The following VPS8 variants were observed in gnomAD, a reference collection of about 807,000 sequenced individuals.
VPS8 encodes the protein VPS8 subunit of CORVET complex.
A neutral mutation model predicts 216.4 loss-of-function variants in VPS8; 129 were observed. That is an observed-to-expected ratio of 0.60 (90% CI 0.52 to 0.69). The LOEUF (loss-of-function observed/expected upper bound fraction) is 0.69, where lower values mean the gene tolerates loss of function less well. VPS8 is among the 30% of genes least tolerant of loss of function. VPS8 has a pLI of 0.00. For synonymous variants in VPS8, 571 were observed against 565.4 expected (o/e 1.01, Z -0.14); for missense variants, 1,531 against 1,683.5 (o/e 0.91, Z 1.59).
chr3:185,020,196 C>T (rs948737602), intron 45 of VPS8, among the ~76,000 whole-genome samples: 1 of 152,054 alleles, frequency 6.6e-6, no homozygotes, highest in African/African-American at 2.4e-5. Context: ...GTCCCAATAG[C>T]CCACAGTTGA....
intron 44 of VPS8, among the ~76,000 whole-genome samples, chr3:184,997,015 G>A (rs184466229): frequency 2.8e-4 from 42 of 152,348 alleles, no homozygotes; most frequent in Middle Eastern, 6.8e-3. Context: ...TGTCTTGCAC[G>A]TGTTAGGTTT....
At chr3:184,884,659 C>T (rs1323899770) in intron 21 of VPS8, among the ~76,000 whole-genome samples, 1 of 151,920 alleles carries the variant, frequency 6.6e-6, no homozygotes, top group Non-Finnish European at 1.5e-5. Flanking sequence ...GAGGATGTGG[C>T]TTTTTAAGAA....
At chr3:184,906,716 C>T (rs1735565572) in intron 25 of VPS8, among the ~76,000 whole-genome samples, 1 of 152,056 alleles carries the variant, frequency 6.6e-6, no homozygotes, top group Admixed American at 6.5e-5. Flanking sequence ...TGTAAAGGAT[C>T]CTCTTTGGAA....
chr3:184,906,424 A>G (rs530489513), intron 25 of VPS8, among the ~76,000 whole-genome samples: 48 of 152,346 alleles, frequency 3.2e-4, no homozygotes, highest in African/African-American at 1.1e-3. Context: ...AGAGTGTTAC[A>G]TAGATATCCG....
chr3:185,012,149 C>T (rs1755099052), intron 45 of VPS8, among the ~76,000 whole-genome samples: 1 of 150,948 alleles, frequency 6.6e-6, no homozygotes, highest in Non-Finnish European at 1.5e-5. Flanking sequence ...AGTACAAAAA[C>T]TCTTGGTGAC....
Position 184,999,798 on chromosome 3 carries a change from C to T in VPS8, c.3939C>T (p.Asn1313=). 6.2e-7 allele frequency: 1 copy of T among 1,612,738 alleles called. No individual in the cohort carries two copies. Residue 1313 remains asparagine (N), a synonymous_variant, in exon 45 of 48, where the codon AAC becomes AAT. Transcript: ENST00000625842. Reference sequence around the variant, plus strand: ...CATGCTACAAATGCAGTTCAAGTAACAAAGTAGGAAAACTCAGTGAAAATT... The same window carrying T: ...CATGCTACAAATGCAGTTCAAGTAATAAAGTAGGAAAACTCAGTGAAAATT... ...RWTCYKCSSS[N]KVGKLSENSS...
At chr3:184,998,479 TTATATATATATATATATATA>T (rs10530534) in intron 44 of VPS8, among the ~76,000 whole-genome samples, 22 of 135,012 alleles carry the variant, frequency 1.6e-4, no homozygotes, top group African/African-American at 6.4e-4. Context: ...AAGAGGAAGT[TTATATATATATATATATATA>T]TATATATATA....
At chr3:184,982,268 C>T (rs990987155) in intron 40 of VPS8, 2 of 307,078 alleles carry the variant, frequency 6.5e-6, no homozygotes, top group African/African-American at 4.4e-5. Flanking sequence ...CCTGCCCTCC[C>T]CTGAGACACA....
At chr3:184,967,872 A>C (rs1482204832) in intron 39 of VPS8, among the ~76,000 whole-genome samples, 2 of 152,108 alleles carry the variant, frequency 1.3e-5, no homozygotes, top group Admixed American at 1.3e-4. Flanking sequence ...ATTATGGGTA[A>C]AATATACCCT....
chr3:184,929,688 C>G, intron 33 of VPS8, 24 bp downstream of exon 33: 4 of 1,376,414 alleles, frequency 2.9e-6, no homozygotes, highest in Non-Finnish European at 3.9e-6. Context: ...CTGCTTTACT[C>G]TTTTTTCTTA....
intron 3 of VPS8, among the ~76,000 whole-genome samples, chr3:184,831,455 C>G (rs549830058): frequency 6.6e-6 from 1 of 152,186 alleles, no homozygotes; most frequent in Admixed American, 6.5e-5. Flanking sequence ...ATTAATCTCT[C>G]AAGTACATTG....
intron 45 of VPS8, among the ~76,000 whole-genome samples, chr3:185,013,104 A>G (rs547221880): frequency 6.6e-6 from 1 of 152,322 alleles, no homozygotes; most frequent in African/African-American, 2.4e-5. Flanking sequence ...TTGGGGTTTA[A>G]GAACACCTTA....
chr3:184,842,289 T>C (rs899481391), intron 7 of VPS8, among the ~76,000 whole-genome samples: 8 of 149,676 alleles, frequency 5.3e-5, no homozygotes, highest in African/African-American at 2.0e-4. Context: ...AAATAAAAAC[T>C]AGCAGAGGAA....
At chr3:185,008,088 G>C (rs761991650) in intron 45 of VPS8, among the ~76,000 whole-genome samples, 7 of 151,902 alleles carry the variant, frequency 4.6e-5, no homozygotes, top group Admixed American at 2.0e-4. Flanking sequence ...TAAAAAATGA[G>C]ATTTCAGTGT....
At chr3:184,996,525 C>A (rs1752634636) in intron 44 of VPS8, 24 bp downstream of exon 44, 1 of 1,590,208 alleles carries the variant, frequency 6.3e-7, no homozygotes, top group South Asian at 1.1e-5. Context: ...GGAAATGTTA[C>A]ATGTATGGTA....
intron 45 of VPS8, among the ~76,000 whole-genome samples, chr3:185,003,249 G>C (rs1753681291): frequency 7.1e-6 from 1 of 140,808 alleles, no homozygotes; most frequent in African/African-American, 2.7e-5. Flanking sequence ...AAGGTCAGCA[G>C]ATAAACAAGT....
intron 17 of VPS8, 120 bp downstream of exon 17, chr3:184,867,070 A>ACCACAAAGGGTTT: frequency 1.2e-6 from 1 of 863,668 alleles, no homozygotes; most frequent in Non-Finnish European, 1.8e-6. Context: ...AATTATCCTA[A>ACCACAAAGGGTTT]ACCCTTTGTG....
chr3:185,021,348 C>T (rs1173406280), intron 45 of VPS8, among the ~76,000 whole-genome samples: 1 of 152,132 alleles, frequency 6.6e-6, no homozygotes, highest in Non-Finnish European at 1.5e-5. Flanking sequence ...GGATGCTGGA[C>T]CACTTCCATT....
At chr3:184,890,054 G>A (rs1732057580) in intron 22 of VPS8, among the ~76,000 whole-genome samples, 1 of 152,120 alleles carries the variant, frequency 6.6e-6, no homozygotes, top group Admixed American at 6.5e-5. Flanking sequence ...AGATAATAAG[G>A]TTAAAAATGG....
Sources: allele counts gnomAD v4.1 joint callset (sites outside exome capture counted in the v4.1 genomes callset), GRCh38; gene constraint gnomAD v4.1.1; transcripts MANE v1.5; gene names NCBI Gene and HGNC (gene_info 2026-07-23, HGNC 2026-07-21).